PPP2R1B: variants seen among roughly 807,000 people sequenced by gnomAD.
PPP2R1B encodes protein phosphatase 2 scaffold subunit Abeta, also known as serine/threonine-protein phosphatase 2A 65 kDa regulatory subunit A beta isoform.
Under a neutral mutation model 72.7 loss-of-function variants are expected in PPP2R1B, and 58 were observed. The ratio of observed to expected loss-of-function variants is 0.80; its 90% CI spans 0.65 to 0.99. PPP2R1B has a LOEUF of 0.99. PPP2R1B is among the 50% of genes least tolerant of loss of function. PPP2R1B has a pLI of 0.00. For missense variants in PPP2R1B, 695 were observed against 733.6 expected (o/e 0.95, Z 0.61); for synonymous variants, 256 against 264.6 (o/e 0.97, Z 0.32).
the PPP2R1B span, among the ~76,000 whole-genome samples, chr11:111,696,030 G>C: frequency 2.0e-5 from 3 of 152,190 alleles, no homozygotes; most frequent in Non-Finnish European, 1.5e-5. Context: ...GTCTGCTGCG[G>C]CTGGTTAATT....
At chr11:111,766,151 CAGTACCTCGG>C in intron 1 of PPP2R1B, 87 bp downstream of exon 1, 1 of 1,184,256 alleles carries the variant, frequency 8.4e-7, no homozygotes, top group East Asian at 2.4e-5. Flanking sequence ...CCGACTCATT[CAGTACCTCGG>C]CCACCCCCAC....
downstream of PPP2R1B, among the ~76,000 whole-genome samples, chr11:111,736,907 T>A (rs940342524): frequency 1.3e-5 from 2 of 152,184 alleles, no homozygotes; most frequent in Admixed American, 1.3e-4. Flanking sequence ...GCCCTCCTAA[T>A]GAATGGCCCT....
Position 111,754,975 on chromosome 11 carries a change from T to C in PPP2R1B, c.958+5A>G. 1 of 1,598,184 alleles carries C rather than the reference T, an allele frequency of 6.3e-7. No individual in the cohort carries two copies. Among genetic ancestry groups the C allele is most frequent in the Non-Finnish European group, 8.6e-7 (1 of 1,167,388 alleles). ...CATGTTCCAACATAAATTGAACTCC[T>C]TAACCTTTTACTTTGTGGGCAGCAG... On this transcript the variant is annotated splice_donor_5th_base_variant and intron_variant, in intron 7 of 14. Coordinates refer to ENST00000527614, the MANE Select transcript of PPP2R1B (RefSeq NM_002716.5).
chr11:111,726,652 C>T (rs527420623), downstream of PPP2R1B: 132 of 370,978 alleles, frequency 3.6e-4, no homozygotes, highest in African/African-American at 2.3e-3. Context: ...ACCTGTGCTG[C>T]TCTGTCCCTA....
At chr11:111,754,373 T>C in intron 8 of PPP2R1B, 126 bp downstream of exon 8, 1 of 1,291,878 alleles carries the variant, frequency 7.7e-7, no homozygotes, top group African/African-American at 1.5e-5. Context: ...TTAACACATC[T>C]TCCCCATTCA....
the PPP2R1B span, among the ~76,000 whole-genome samples, chr11:111,719,291 A>C: frequency 6.6e-6 from 1 of 151,966 alleles, no homozygotes; most frequent in Non-Finnish European, 1.5e-5. Flanking sequence ...TTGAACATAA[A>C]AGTCTTTCTA....
At chr11:111,737,498 C>CAG, downstream of PPP2R1B, 1 of 1,614,232 alleles carries the variant, frequency 6.2e-7, no homozygotes, top group Non-Finnish European at 8.5e-7. Context: ...TGGTTCTTGT[C>CAG]AGCCCGAGGG....
At position 111,766,225 on chromosome 11, in the gene PPP2R1B, G is replaced by T. The variant is rs1945533956; in HGVS notation, c.114+23C>A. On this transcript the variant is annotated intron_variant, in intron 1 of 14. Coordinates refer to ENST00000527614, the MANE Select transcript of PPP2R1B (RefSeq NM_002716.5). ...CACGCGACCAGCCGGTCTCGCCTCG[G>T]GTCCCCGGCCTCAGTCCAGTACCTG... is the stretch of plus-strand genomic sequence containing the variant. The T allele has an allele frequency of 1.9e-6, 3 of 1,611,822 alleles. No homozygotes were observed. In the East Asian group the frequency reaches 6.7e-5, roughly 36 times the overall value.
At position 111,738,100 on chromosome 11, in the gene PPP2R1B, G is replaced by T; in HGVS notation, c.*3496C>A. ...GGGAGACATGCGAGGGAAGAGGAAA[G>T]AGGAGAGTAAGGAACTGGATGGAAA... On this transcript the variant is annotated 3_prime_UTR_variant, in exon 15 of 15. Coordinates refer to ENST00000527614, the MANE Select transcript of PPP2R1B (RefSeq NM_002716.5). 1.0e-6 allele frequency: 1 copy of T among 990,338 alleles called. No individual in the cohort carries two copies. Among genetic ancestry groups the T allele is most frequent in the Non-Finnish European group, 1.2e-6 (1 of 832,342 alleles). 61.3% of individuals were successfully genotyped at this position (990,338 alleles called of 1,614,324 possible).
At chr11:111,690,682 A>T in the PPP2R1B span, among the ~76,000 whole-genome samples, 16 of 149,988 alleles carry the variant, frequency 1.1e-4, no homozygotes, top group Admixed American at 2.0e-4. Flanking sequence ...TCATTGTTCA[A>T]CTCCCACTTA....
At chr11:111,764,586 C>T (rs73564847) in intron 3 of PPP2R1B, among the ~76,000 whole-genome samples, 1,542 of 150,682 alleles carry the variant, frequency 0.01, 42 homozygotes, top group African/African-American at 0.036. Context: ...AGTCTACAGA[C>T]GCAGAAAAGG....
At chr11:111,723,557 A>G (rs1417720815), downstream of PPP2R1B, 2 of 1,614,196 alleles carry the variant, frequency 1.2e-6, no homozygotes, top group Admixed American at 1.7e-5. Flanking sequence ...TTTTAATCAG[A>G]TGCAGATAGC....
rs1239893649 is a variant in PPP2R1B, at chr11:111,752,179, G to C, written c.1318C>G (p.Pro440Ala). 1 of 1,612,726 alleles carries C rather than the reference G, an allele frequency of 6.2e-7. No homozygotes were observed. The highest frequency in any genetic ancestry group is 1.3e-5 in the African/African-American group (1 of 75,012). ...CTCACCAGCTGGCCTGCCAGCAGCG[G>C]CATATACTCAATGATGGCCAGGCGG... ...RVRLAIIEYM[P>A]LLAGQLGVEF... Residue 440 changes from proline (P) to alanine (A), a missense_variant, in exon 10 of 15, where the codon CCG becomes GCG. Transcript: ENST00000527614.
chr11:111,761,766 C>A (rs1359418010), intron 3 of PPP2R1B, among the ~76,000 whole-genome samples: 1 of 152,178 alleles, frequency 6.6e-6, no homozygotes, highest in Non-Finnish European at 1.5e-5. Context: ...CGAGACCAGC[C>A]TGGCCAACAT....
chr11:111,730,914 G>C (rs1250228307), intron 15 of PPP2R1B: 1 of 152,170 alleles, frequency 6.6e-6, no homozygotes, highest in Non-Finnish European at 1.5e-5. Flanking sequence ...TCGGGCCTTG[G>C]GTGGAATTTT....
At chr11:111,755,536 T>G (rs1945076240) in intron 5 of PPP2R1B, 86 bp from the exon 6 acceptor site, 2 of 1,276,594 alleles carry the variant, frequency 1.6e-6, no homozygotes, top group East Asian at 2.6e-5. Context: ...TTAAAAAAAT[T>G]AACACCACCA....
At chr11:111,717,477 C>G in the PPP2R1B span, among the ~76,000 whole-genome samples, 1 of 152,094 alleles carries the variant, frequency 6.6e-6, no homozygotes, top group Non-Finnish European at 1.5e-5. Context: ...GAAAGGAACA[C>G]TTTTACACTG....
chr11:111,722,464 G>A (rs186410182), downstream of PPP2R1B, among the ~76,000 whole-genome samples: 18 of 152,338 alleles, frequency 1.2e-4, no homozygotes, highest in Middle Eastern at 6.9e-3. This position sits in a 1 kb window ranked among gnomAD's most constrained non-coding sequence, Gnocchi z 4.4. Context: ...GTGGAAAAAG[G>A]AAGTAGGTGA....
the PPP2R1B span, chr11:111,719,981 A>G: frequency 1.5e-4 from 247 of 1,613,758 alleles, no homozygotes; most frequent in Non-Finnish European, 1.7e-4. Context: ...TGACCAATCA[A>G]CTGGTCGTGA....
Sources: allele counts gnomAD v4.1 joint callset (sites outside exome capture counted in the v4.1 genomes callset), GRCh38; gene constraint gnomAD v4.1.1; non-coding constraint Gnocchi (gnomAD v3.1); transcripts MANE v1.5; gene names NCBI Gene and HGNC (gene_info 2026-07-23, HGNC 2026-07-21).